TMCO4: variants seen among roughly 807,000 people sequenced by gnomAD.
TMCO4 encodes the protein transmembrane and coiled-coil domains 4, also known as transmembrane and coiled-coil domain-containing protein 4.
A neutral mutation model predicts 64.7 loss-of-function variants in TMCO4; 58 were observed. The ratio of observed to expected loss-of-function variants is 0.90; its 90% CI spans 0.73 to 1.12. The LOEUF (loss-of-function observed/expected upper bound fraction) is 1.12. Ranked by LOEUF, TMCO4 falls within the 50% of genes most tolerant of loss-of-function variation. TMCO4 has a pLI of 0.00. For synonymous variants in TMCO4, 325 were observed against 346.1 expected (o/e 0.94, Z 0.68); for missense variants, 780 against 825.9 (o/e 0.94, Z 0.68).
chr1:19,730,733 G>T (rs762852093), intron 13 of TMCO4, among the ~76,000 whole-genome samples: 16 of 152,214 alleles, frequency 1.1e-4, no homozygotes, highest in Non-Finnish European at 2.2e-4. Context: ...AATTCTACAG[G>T]CAGCTTTTCC....
chr1:19,758,975 G>A (rs995488046), intron 6 of TMCO4, among the ~76,000 whole-genome samples: 7 of 151,904 alleles, frequency 4.6e-5, no homozygotes, highest in African/African-American at 9.7e-5. Context: ...GGTGGCACAC[G>A]TTTGTAATCC....
intron 15 of TMCO4, among the ~76,000 whole-genome samples, chr1:19,688,104 G>A (rs1194840454): frequency 6.6e-6 from 1 of 152,186 alleles, no homozygotes; most frequent in Admixed American, 6.5e-5. Flanking sequence ...CCAGCTGCCT[G>A]GATACACGCC....
intron 13 of TMCO4, among the ~76,000 whole-genome samples, chr1:19,714,161 T>C (rs2095344927): frequency 6.6e-6 from 1 of 152,206 alleles, no homozygotes; most frequent in Admixed American, 6.5e-5. Context: ...GGTCTCAAAC[T>C]CCTGGCCTCA....
At chr1:19,764,557 G>A (rs1031285778) in intron 6 of TMCO4, among the ~76,000 whole-genome samples, 6 of 152,190 alleles carry the variant, frequency 3.9e-5, no homozygotes, top group Admixed American at 2.6e-4. Flanking sequence ...ATTATAAACT[G>A]TATGAGTCTC....
intron 15 of TMCO4, among the ~76,000 whole-genome samples, chr1:19,693,045 C>T (rs2095209304): frequency 4.0e-5 from 6 of 151,224 alleles, no homozygotes; most frequent in Admixed American, 2.6e-4. Flanking sequence ...TGGTGGTGCA[C>T]ACCTGTGGTC....
chr1:19,715,802 C>A (rs987238928), intron 13 of TMCO4, among the ~76,000 whole-genome samples: 1 of 152,184 alleles, frequency 6.6e-6, no homozygotes, highest in Non-Finnish European at 1.5e-5. Flanking sequence ...CTGTGGTGAC[C>A]ATGTAAGCCC....
chr1:19,788,739 C>G (rs1460985787), intron 2 of TMCO4, among the ~76,000 whole-genome samples: 2 of 152,112 alleles, frequency 1.3e-5, no homozygotes, highest in African/African-American at 2.4e-5. Flanking sequence ...GGTAGTAGAA[C>G]AGAATTCGAC....
chr1:19,791,423 G>A lies in TMCO4; in HGVS notation c.-100-4306C>T, dbSNP rs2044030763. On this transcript the variant is annotated intron_variant, in intron 2 of 15. Coordinates refer to ENST00000294543, the MANE Select transcript of TMCO4 (RefSeq NM_181719.7). Reference sequence around the variant, plus strand: ...TCAGCTCTCCATGATGCTGGAATGGGGGAGCCCATGGTTCCAACTCTATGG... The same window carrying A: ...TCAGCTCTCCATGATGCTGGAATGGAGGAGCCCATGGTTCCAACTCTATGG... Among the ~76,000 whole-genome samples, 3 of 152,182 alleles carry A rather than the reference G, an allele frequency of 2.0e-5. No individual in the cohort carries two copies. In the South Asian group the frequency reaches 6.2e-4, roughly 32 times the overall value.
In TMCO4 at chr1:19,682,322, T is replaced by C. The variant is rs1433580248; in HGVS notation, c.*718A>G. 3.3e-6 allele frequency: 1 copy of C among 303,850 alleles called. No individual in the cohort carries two copies. The highest frequency in any genetic ancestry group is 5.3e-5 in the East Asian group (1 of 18,836). 18.8% of individuals were successfully genotyped at this position (303,850 alleles called of 1,614,324 possible). A position where few individuals can be genotyped will look rare whatever the true frequency, so the allele number is the denominator to read the frequency against. On this transcript the variant is annotated 3_prime_UTR_variant, in exon 16 of 16. Transcript: ENST00000294543. ...TCTTTCCATGTAAAATTCATTCTTG[T>C]CCCCAGGCCTAGTTCACAGCCATAC...
chr1:19,689,644 T>A (rs2095176603), intron 15 of TMCO4, among the ~76,000 whole-genome samples: 2 of 152,236 alleles, frequency 1.3e-5, no homozygotes, highest in South Asian at 4.1e-4. Flanking sequence ...TCCTACCATA[T>A]CCCATTCCCA....
At chr1:19,690,258 TC>T (rs550108358) in intron 15 of TMCO4, among the ~76,000 whole-genome samples, 21 of 152,354 alleles carry the variant, frequency 1.4e-4, no homozygotes, top group Admixed American at 1.2e-3. Flanking sequence ...AGAAAGGCTG[TC>T]ATACTGGCCT....
chr1:19,768,237 C>T (rs915075027), intron 6 of TMCO4, among the ~76,000 whole-genome samples: 2 of 152,182 alleles, frequency 1.3e-5, no homozygotes, highest in Non-Finnish European at 2.9e-5. Context: ...CCATGCCTGC[C>T]GCGCAGCTAG....
At chr1:19,777,327 T>G (rs1570998873) in intron 4 of TMCO4, among the ~76,000 whole-genome samples, 1 of 150,268 alleles carries the variant, frequency 6.7e-6, no homozygotes. Context: ...ACAGAACTGT[T>G]CAGAAGCCAA....
chr1:19,761,185 G>A (rs549364846), intron 6 of TMCO4, among the ~76,000 whole-genome samples: 6 of 152,212 alleles, frequency 3.9e-5, no homozygotes, highest in Middle Eastern at 3.2e-3. Flanking sequence ...TAAAGTGGCA[G>A]CCTGGGTGCA....
At chr1:19,797,920 G>A (rs576220763) in intron 2 of TMCO4, among the ~76,000 whole-genome samples, 7 of 131,116 alleles carry the variant, frequency 5.3e-5, no homozygotes, top group African/African-American at 2.1e-4. Flanking sequence ...GAGAGGGAGG[G>A]AGGGAGGGAG....
chr1:19,712,217 C>T (rs957986072), intron 13 of TMCO4, among the ~76,000 whole-genome samples: 4 of 152,212 alleles, frequency 2.6e-5, no homozygotes, highest in Non-Finnish European at 5.9e-5. Flanking sequence ...TCGGAACACA[C>T]ACAACATTTA....
chr1:19,687,892 C>A (rs1366594464), intron 15 of TMCO4, among the ~76,000 whole-genome samples: 1 of 152,164 alleles, frequency 6.6e-6, no homozygotes, highest in Non-Finnish European at 1.5e-5. Flanking sequence ...CAACCCTAGT[C>A]CCTGAGCCAC....
intron 6 of TMCO4, among the ~76,000 whole-genome samples, chr1:19,762,754 G>T (rs1159924155): frequency 2.0e-5 from 3 of 152,186 alleles, no homozygotes; most frequent in African/African-American, 7.2e-5. Context: ...GCCTCCTGTT[G>T]TAAGGCACTG....
At chr1:19,748,387 T>G (rs1240622529) in intron 7 of TMCO4, among the ~76,000 whole-genome samples, 1 of 152,224 alleles carries the variant, frequency 6.6e-6, no homozygotes, top group Admixed American at 6.5e-5. Context: ...TAAAGTTATA[T>G]TGAGAATGGA....
Sources: allele counts gnomAD v4.1 joint callset (sites outside exome capture counted in the v4.1 genomes callset), GRCh38; gene constraint gnomAD v4.1.1; transcripts MANE v1.5; gene names NCBI Gene and HGNC (gene_info 2026-07-23, HGNC 2026-07-21).